The following NUP205 variants were observed in gnomAD, a reference collection of about 807,000 sequenced individuals.
NUP205 encodes nuclear pore complex protein Nup205.
NUP205 carries 76 observed loss-of-function variants against 253.8 expected under a neutral mutation model. The observed-to-expected ratio is 0.30, with a 90% CI of 0.25 to 0.36. The LOEUF is 0.36. Ranked by LOEUF, NUP205 falls within the 10% of genes least tolerant of loss-of-function variation. The pLI, the probability that NUP205 is intolerant of heterozygous loss-of-function variation, is 1.00. For missense variants in NUP205, 2,162 were observed against 2,425.5 expected, an observed-to-expected ratio of 0.89 and a Z score of 2.28; for synonymous variants, 832 against 850.1, an observed-to-expected ratio of 0.98 and a Z score of 0.37.
intron 7 of NUP205, among the ~76,000 whole-genome samples, chr7:135,583,944 C>T (rs1337940792): frequency 3.3e-5 from 5 of 150,878 alleles, no homozygotes; most frequent in African/African-American, 9.7e-5. Context: ...TGGGTTCAAG[C>T]GATTCTCCTG....
chr7:135,598,703 T>A (rs1793900026), intron 15 of NUP205: 1 of 158,714 alleles, frequency 6.3e-6, no homozygotes, highest in African/African-American at 2.4e-5. Flanking sequence ...TTTGCTCTGG[T>A]TGCAAGACAC....
chr7:135,588,590 T>C (rs1806536950), intron 10 of NUP205, among the ~76,000 whole-genome samples: 1 of 150,956 alleles, frequency 6.6e-6, no homozygotes, highest in African/African-American at 2.4e-5. Flanking sequence ...ATTATTTACT[T>C]ATTTTTAAAA....
At chr7:135,585,380 A>G (rs1806429470) in intron 8 of NUP205, among the ~76,000 whole-genome samples, 1 of 152,334 alleles carries the variant, frequency 6.6e-6, no homozygotes, top group South Asian at 2.1e-4. Flanking sequence ...AATATTTGAC[A>G]TAGTGAATGG....
intron 7 of NUP205, among the ~76,000 whole-genome samples, chr7:135,581,501 C>T (rs1806302508): frequency 6.6e-6 from 1 of 151,928 alleles, no homozygotes; most frequent in African/African-American, 2.4e-5. Flanking sequence ...GCTGAAATTG[C>T]TCCACTGCAC....
chr7:135,572,642 A>G (rs1010245646), intron 2 of NUP205, among the ~76,000 whole-genome samples: 1 of 151,922 alleles, frequency 6.6e-6, no homozygotes, highest in Admixed American at 6.6e-5. Flanking sequence ...GCTCACTGCA[A>G]CCTCCCTCCC....
At position 135,630,449 on chromosome 7, in the gene NUP205, A is replaced by G; in HGVS notation, c.5038A>G (p.Ile1680Val). Residue 1680 changes from isoleucine (I) to valine (V), a missense_variant, in exon 35 of 43, where the codon ATA becomes GTA. Ile to Val is a conservative substitution (Grantham distance 29). Coordinates refer to ENST00000285968, the MANE Select transcript of NUP205 (RefSeq NM_015135.3). ...GGAATTGGCTCTGCTGACAGGAATTATAAGTAAAGCAGCACTTCCTGGTGA... is the reference window on the plus strand; with the variant it reads ...GGAATTGGCTCTGCTGACAGGAATTGTAAGTAAAGCAGCACTTCCTGGTGA... ...LQELALLTGI[I>V]SKAALPGILS... 1 of 1,608,780 alleles carries G rather than the reference A, an allele frequency of 6.2e-7. No individual in the cohort carries two copies. The highest frequency in any genetic ancestry group is 8.5e-7 in the Non-Finnish European group (1 of 1,176,832).
In NUP205 at chr7:135,573,732, C is replaced by G. The variant is rs764766152; in HGVS notation, c.250C>G (p.Arg84Gly). 5 of 1,613,682 alleles carry G rather than the reference C, an allele frequency of 3.1e-6. No homozygotes were observed. The Admixed American group carries it at 8.3e-5, about 27-fold the overall frequency. Residue 84 changes from arginine to glycine, a missense_variant, in exon 3 of 43, where the codon CGA becomes GGA. By Grantham distance (125) the Arg-to-Gly change is moderately radical. Coordinates refer to ENST00000285968, the MANE Select transcript of NUP205 (RefSeq NM_015135.3). ...CGCCATTCAGGGTCAACAGGGAACTCGACTTCTTCCTGAACAGCTCATTAA... is the reference window on the plus strand; with the variant it reads ...CGCCATTCAGGGTCAACAGGGAACTGGACTTCTTCCTGAACAGCTCATTAA... ...GVAIQGQQGTRLLPEQLIKEA... is the reference protein window; with the variant it reads ...GVAIQGQQGTGLLPEQLIKEA...
chr7:135,570,248 C>T (rs76576580), intron 1 of NUP205, among the ~76,000 whole-genome samples: 3,798 of 151,134 alleles, frequency 0.025, 79 homozygotes, highest in South Asian at 0.077. Context: ...GGTTTTGATC[C>T]TGTCGGCCAG....
intron 1 of NUP205, among the ~76,000 whole-genome samples, chr7:135,567,126 GTGTA>G (rs1312661616): frequency 7.4e-4 from 4 of 5,376 alleles, no homozygotes; most frequent in East Asian, 0.011. Context: ...CAGTCTATGT[GTGTA>G]TATATATATA....
At chr7:135,607,601 G>A (rs1794115429) in intron 22 of NUP205, among the ~76,000 whole-genome samples, 1 of 152,180 alleles carries the variant, frequency 6.6e-6, no homozygotes, top group Admixed American at 6.5e-5. Context: ...AGATTTTTGT[G>A]ATGGATTTTT....
intron 12 of NUP205, among the ~76,000 whole-genome samples, chr7:135,594,291 G>A (rs914157164): frequency 1.3e-5 from 2 of 152,026 alleles, no homozygotes; most frequent in East Asian, 1.9e-4. Context: ...ATCTCTGTTT[G>A]TATTATTTCT....
At chr7:135,614,090 A>C in intron 22 of NUP205, 69 bp from the exon 23 acceptor site, 1 of 871,426 alleles carries the variant, frequency 1.1e-6, no homozygotes, top group Non-Finnish European at 1.9e-6. Context: ...CTAAGTTCAT[A>C]TTTTGTTACC....
Position 135,645,815 on chromosome 7 carries a change from G to A in NUP205, c.5812+219G>A, listed in dbSNP as rs1794996582. 3 of 583,938 alleles carry A rather than the reference G, an allele frequency of 5.1e-6. No homozygotes were observed. The East Asian group carries it at 8.5e-5, about 17-fold the overall frequency. 36.2% of individuals were successfully genotyped at this position (583,938 alleles called of 1,614,324 possible). ...ATATTCTAGAGCCTGCTCATCAGCT[G>A]TTCCTTAGCTTCTTGCTGCAGTTAG... On this transcript the variant is annotated intron_variant, in intron 41 of 42. Coordinates refer to ENST00000285968, the MANE Select transcript of NUP205 (RefSeq NM_015135.3).
chr7:135,573,925 T>C (rs564869977), intron 3 of NUP205, 100 bp downstream of exon 3: 3 of 948,338 alleles, frequency 3.2e-6, no homozygotes, highest in East Asian at 2.6e-5. Context: ...TCATAGTTTC[T>C]AAGGCTGCAG....
At chr7:135,617,715 C>T (rs1409205307) in intron 27 of NUP205, 33 bp downstream of exon 27, 1 of 1,351,158 alleles carries the variant, frequency 7.4e-7, no homozygotes, top group Admixed American at 1.7e-5. Context: ...TCGTTTCAAA[C>T]TTCTAACTAC....
chr7:135,638,016 ATAAAG>A lies in NUP205; in HGVS notation c.5226_5230del (p.Val1743GlnfsTer4). On this transcript the variant is annotated frameshift_variant, in exon 37 of 43. Coordinates refer to ENST00000285968, the MANE Select transcript of NUP205 (RefSeq NM_015135.3). LOFTEE classifies it high-confidence loss of function. Reference sequence around the variant, plus strand: ...TTTCAAGACGATAATGTGGAGGGAGATAAAGTAAGCAAGAAAGATGAGATTGAACT... The same window carrying A: ...TTTCAAGACGATAATGTGGAGGGAGATAAGCAAGAAAGATGAGATTGAACT... 1 of 1,614,150 alleles carries A rather than the reference ATAAAG, an allele frequency of 6.2e-7. No individual in the cohort carries two copies. Among genetic ancestry groups the A allele is most frequent in the Non-Finnish European group, 8.5e-7 (1 of 1,179,990 alleles).
At position 135,601,397 on chromosome 7, in the gene NUP205, C is replaced by G. The variant is rs755524949; in HGVS notation, c.2402C>G (p.Pro801Arg). 4 of 1,613,426 alleles carry G rather than the reference C, an allele frequency of 2.5e-6. No individual in the cohort carries two copies. The highest frequency in any genetic ancestry group is 3.4e-6 in the Non-Finnish European group (4 of 1,179,646). ...QGEEIIAYKP[P>R]GFSLMYHLLN... is the part of the protein sequence containing the mutation. Reference sequence around the variant, plus strand: ...GAAGAAATCATAGCCTATAAGCCACCTGGATTTAGTCTGATGTATCATCTG... The same window carrying G: ...GAAGAAATCATAGCCTATAAGCCACGTGGATTTAGTCTGATGTATCATCTG... Residue 801 changes from proline to arginine, a missense_variant, in exon 17 of 43, where the codon CCT becomes CGT. Coordinates refer to ENST00000285968, the MANE Select transcript of NUP205 (RefSeq NM_015135.3).
At chr7:135,618,913 A>G (rs1003125945) in intron 28 of NUP205, among the ~76,000 whole-genome samples, 23 of 152,224 alleles carry the variant, frequency 1.5e-4, no homozygotes, top group Non-Finnish European at 1.5e-5. Flanking sequence ...GGGAATTCTG[A>G]TAGGAATCCC....
At chr7:135,586,269 AT>A (rs1221676472) in intron 8 of NUP205, among the ~76,000 whole-genome samples, 1 of 151,912 alleles carries the variant, frequency 6.6e-6, no homozygotes, top group African/African-American at 2.4e-5. Flanking sequence ...TATAGGATCT[AT>A]AGTGATTTTT....
Sources: gnomAD v4.1 joint callset for allele counts (sites outside exome capture counted in the v4.1 genomes callset) on GRCh38, gnomAD v4.1.1 for gene constraint, MANE v1.5 for transcripts, NCBI Gene and HGNC (gene_info 2026-07-23, HGNC 2026-07-21) for gene names.